AGBL2: variants seen among roughly 807,000 people sequenced by gnomAD.
AGBL2 encodes the protein AGBL carboxypeptidase 2.
A neutral mutation model predicts 103.0 loss-of-function variants in AGBL2; 87 were observed. The ratio of observed to expected loss-of-function variants is 0.84; its 90% CI spans 0.71 to 1.01. The LOEUF is 1.01. AGBL2 is among the 50% of genes least tolerant of loss of function. AGBL2 has a pLI of 0.00. For missense variants in AGBL2, 904 were observed against 1,023.5 expected, an observed-to-expected ratio of 0.88 and a Z score of 1.59; for synonymous variants, 335 against 356.7, an observed-to-expected ratio of 0.94 and a Z score of 0.69.
intron 7 of AGBL2, among the ~76,000 whole-genome samples, chr11:47,700,490 A>G (rs2097494023): frequency 6.6e-6 from 1 of 151,974 alleles, no homozygotes; most frequent in African/African-American, 2.4e-5. Flanking sequence ...GAGGTAGGAG[A>G]ATCGCTCTAA....
chr11:47,706,447 C>T (rs1033628987), intron 4 of AGBL2, among the ~76,000 whole-genome samples: 1 of 151,982 alleles, frequency 6.6e-6, no homozygotes, highest in Admixed American at 6.6e-5. Flanking sequence ...ACCCGGGAGG[C>T]GGAGCTTGCG....
At chr11:47,667,113 G>T in intron 16 of AGBL2, 50 bp from the exon 17 acceptor site, 1 of 1,305,498 alleles carries the variant, frequency 7.7e-7, no homozygotes, top group South Asian at 1.4e-5. Context: ...ATTCAAAATT[G>T]ATCCAATTTA....
intron 12 of AGBL2, 26 bp from the exon 13 acceptor site, chr11:47,680,099 C>A: frequency 3.0e-6 from 4 of 1,323,270 alleles, no homozygotes; most frequent in South Asian, 1.3e-5. Context: ...ACCCCGCAAA[C>A]ATTTCCAATT....
At chr11:47,698,854 T>C (rs530449809) in intron 8 of AGBL2, among the ~76,000 whole-genome samples, 36 of 152,210 alleles carry the variant, frequency 2.4e-4, no homozygotes, top group Non-Finnish European at 1.5e-5. Flanking sequence ...CTTTGTATTA[T>C]TTTAATCCTT....
At chr11:47,694,285 G>C (rs1489095170) in intron 8 of AGBL2, among the ~76,000 whole-genome samples, 1 of 151,480 alleles carries the variant, frequency 6.6e-6, no homozygotes, top group Non-Finnish European at 1.5e-5. Context: ...TTTGAGGTGA[G>C]GCACTCCTCA....
At chr11:47,667,114 A>G (rs746007680) in intron 16 of AGBL2, 51 bp from the exon 17 acceptor site, 12 of 1,303,502 alleles carry the variant, frequency 9.2e-6, no homozygotes, top group Non-Finnish European at 1.2e-5. Flanking sequence ...TTCAAAATTG[A>G]TCCAATTTAC....
chr11:47,674,672 C>G (rs892428560), intron 14 of AGBL2, among the ~76,000 whole-genome samples: 4 of 151,388 alleles, frequency 2.6e-5, no homozygotes, highest in Non-Finnish European at 5.9e-5. Flanking sequence ...AAAACTGAGT[C>G]GGGGAGATAC....
chr11:47,698,969 A>C (rs1396921840), intron 8 of AGBL2, among the ~76,000 whole-genome samples: 4 of 28,066 alleles, frequency 1.4e-4, no homozygotes, highest in Admixed American at 7.6e-4. Context: ...GGAATGGCAA[A>C]AAAAAAAAAA....
At chr11:47,678,171 C>A (rs2097383207) in intron 13 of AGBL2, among the ~76,000 whole-genome samples, 1 of 150,410 alleles carries the variant, frequency 6.6e-6, no homozygotes, top group South Asian at 2.1e-4. Context: ...ACCACGTTGG[C>A]CAGGATGGTC....
intron 3 of AGBL2, among the ~76,000 whole-genome samples, chr11:47,712,447 G>A (rs1472256970): frequency 6.6e-6 from 1 of 152,138 alleles, no homozygotes; most frequent in East Asian, 1.9e-4. Context: ...ATAAAAATAT[G>A]AAGTATTATG....
intron 3 of AGBL2, chr11:47,710,917 A>G (rs1330603530): frequency 1.2e-5 from 5 of 419,898 alleles, no homozygotes; most frequent in Non-Finnish European, 2.3e-5. Flanking sequence ...CTCAAAAAAA[A>G]AAAAAAAGAA....
chr11:47,681,733 C>T (rs752155205), intron 12 of AGBL2, among the ~76,000 whole-genome samples: 1 of 152,206 alleles, frequency 6.6e-6, no homozygotes, highest in East Asian at 1.9e-4. Flanking sequence ...GCTGGGATTA[C>T]AGGCGTGAGC....
chr11:47,676,813 C>CAAA (rs566335901), intron 14 of AGBL2, among the ~76,000 whole-genome samples: 12 of 69,782 alleles, frequency 1.7e-4, no homozygotes, highest in Non-Finnish European at 2.7e-4. Context: ...GCCTCCATCT[C>CAAA]AAAAAAAAAA....
chr11:47,690,702 C>A lies in AGBL2; in HGVS notation c.1005G>T (p.Gly335=). ...ATTGGGAGTACAAGAGTGGCTTCAT[C>A]CCTACAGTATAAAGACTCTTGGGTT... ...LLKPKSLYTV[G]MKPLLYSQLD... is the part of the protein sequence containing the mutation. Residue 335 remains glycine (G), a synonymous_variant, in exon 10 of 19, where the codon GGG becomes GGT. Transcript: ENST00000525123. 1 of 1,614,096 alleles carries A rather than the reference C, an allele frequency of 6.2e-7. No homozygotes were observed.
rs370877103 is a variant in AGBL2, at chr11:47,685,987, T to C, written c.1694A>G (p.Asn565Ser). The C allele has an allele frequency of 2.5e-6, 4 of 1,613,904 alleles. No individual in the cohort carries two copies. Among genetic ancestry groups the C allele is most frequent in the African/African-American group, 1.3e-5 (1 of 74,914 alleles). The change falls in exon 11 of 19, where the codon AAT becomes AGT. Residue 565 changes from asparagine (N) to serine (S), a missense_variant. Physicochemically the swap from Asn to Ser is conservative, Grantham distance 46 (BLOSUM62 1). Coordinates refer to ENST00000525123, the MANE Select transcript of AGBL2 (RefSeq NM_024783.4). ...CDFHGHSRKN[N>S]IFLYGCNNNN... ...GTTATTACAGCCATACAGGAAGATA[T>C]TATTCTTACGACTGTGGCCATGGAA...
At chr11:47,669,519 A>C (rs2097350922) in intron 14 of AGBL2, among the ~76,000 whole-genome samples, 1 of 152,030 alleles carries the variant, frequency 6.6e-6, no homozygotes. Flanking sequence ...GTCTCTATTA[A>C]TACAAAAAAA....
intron 13 of AGBL2, among the ~76,000 whole-genome samples, chr11:47,678,330 A>ATTTTTTTTTTT (rs869274971): frequency 2.6e-5 from 3 of 114,506 alleles, no homozygotes; most frequent in South Asian, 4.1e-4. Context: ...ATTTTATTTT[A>ATTTTTTTTTTT]TTTTATTATT....
At chr11:47,686,980 T>TGGGG (rs2097426318) in intron 10 of AGBL2, among the ~76,000 whole-genome samples, 1 of 15,028 alleles carries the variant, frequency 6.7e-5, no homozygotes, top group Non-Finnish European at 1.4e-4. Flanking sequence ...AAAAAAAAAA[T>TGGGG]GGTGGGGGGA....
intron 14 of AGBL2, among the ~76,000 whole-genome samples, chr11:47,669,825 A>G (rs532918265): frequency 6.6e-6 from 1 of 152,194 alleles, no homozygotes; most frequent in Admixed American, 6.5e-5. Context: ...GTTAGCCAAG[A>G]TGGTCTCGAT....
Sources: gnomAD v4.1 joint callset for allele counts (sites outside exome capture counted in the v4.1 genomes callset) on GRCh38, gnomAD v4.1.1 for gene constraint, MANE v1.5 for transcripts, NCBI Gene and HGNC (gene_info 2026-07-23, HGNC 2026-07-21) for gene names.